Variants in C11orf52 observed in about 807,000 individuals in gnomAD.
C11orf52 encodes uncharacterized protein C11orf52.
A neutral mutation model predicts 11.7 loss-of-function variants in C11orf52; 9 were observed. The ratio of observed to expected loss-of-function variants is 0.77; its 90% confidence interval spans 0.46 to 1.34. The LOEUF (loss-of-function observed/expected upper bound fraction) is 1.34. Among genes scored for constraint, C11orf52 ranks in the 40% most tolerant of loss-of-function variants. The probability of loss-of-function intolerance (pLI) is 0.00; values close to 1 mark genes in which losing one functional copy is unlikely to be tolerated. For synonymous variants in C11orf52, 49 were observed against 57.4 expected, an observed-to-expected ratio of 0.85 and a Z score of 0.66; for missense variants, 139 against 154.8, an observed-to-expected ratio of 0.90 and a Z score of 0.54.
At chr11:111,920,069 C>A (rs2137398301) in intron 1 of C11orf52, among the ~76,000 whole-genome samples, 1 of 152,142 alleles carries the variant, frequency 6.6e-6, no homozygotes, top group Non-Finnish European at 1.5e-5. Context: ...GTGGTGGGTG[C>A]CTGTAGTCCC....
rs1965798937 is a variant in C11orf52 at position 111,926,030 on chromosome 11, G to A, written c.203G>A (p.Gly68Asp). Residue 68 changes from glycine to aspartate, a missense_variant, in exon 4 of 4, where the codon GGC becomes GAC. Coordinates refer to ENST00000278601, the MANE Select transcript of C11orf52 (RefSeq NM_080659.3). ...QQQGSQERSPGLMSEDSNLHY... is the reference protein window; with the variant it reads ...QQQGSQERSPDLMSEDSNLHY... ...CAAGGGTCTCAAGAGAGGAGTCCAG[G>A]CCTCATGTCGGAAGACAGCAACTTA... The A allele has an allele frequency of 6.2e-7, 1 of 1,614,108 alleles. No homozygotes were observed. Among genetic ancestry groups the A allele is most frequent in the African/African-American group, 1.3e-5 (1 of 74,934 alleles).
chr11:111,925,713 A>C lies in C11orf52; in HGVS notation c.131A>C (p.Lys44Thr), dbSNP rs782273595. The C allele has an allele frequency of 1.2e-6, 2 of 1,614,110 alleles. No individual in the cohort carries two copies. The highest frequency in any genetic ancestry group is 3.3e-5 in the Admixed American group (2 of 60,010). Residue 44 changes from lysine to threonine, a missense_variant and splice_region_variant, in exon 3 of 4, where the codon AAG becomes ACG. By Grantham distance (78) the Lys-to-Thr change is moderately conservative. Coordinates refer to ENST00000278601, the MANE Select transcript of C11orf52 (RefSeq NM_080659.3). ...CAACAGCTGCAGCAGAATCTCCCAA[A>C]GGTAATGACAGGTCTCTGTCCCCTC... is the stretch of plus-strand genomic sequence containing the variant. ...QPQQLQQNLP[K>T]GHETTGHTYE...
chr11:111,923,160 T>C (rs1965727487), intron 1 of C11orf52, among the ~76,000 whole-genome samples: 1 of 152,212 alleles, frequency 6.6e-6, no homozygotes, highest in African/African-American at 2.4e-5. Flanking sequence ...ATCTCGTTCT[T>C]AGGATAAGGC....
chr11:111,919,264 G>A, intron 1 of C11orf52: 2 of 488,688 alleles, frequency 4.1e-6, no homozygotes, highest in South Asian at 2.4e-5. Flanking sequence ...CACGAGGTCA[G>A]TAGATCGAGA....
Position 111,926,185 on chromosome 11 carries a change from G to C in C11orf52, c.358G>C (p.Gly120Arg), listed in dbSNP as rs782001617. The change falls in exon 4 of 4, where the codon GGG becomes CGG. Residue 120 changes from glycine (G) to arginine (R), a missense_variant. By Grantham distance (125) the Gly-to-Arg change is moderately radical (BLOSUM62 -2). Transcript: ENST00000278601. Reference sequence around the variant, plus strand: ...CACACCTCGCTATGACAGCAAGAACGGGACCCTGGTGTGAGCGCTTGGGAG... The same window carrying C: ...CACACCTCGCTATGACAGCAAGAACCGGACCCTGGTGTGAGCGCTTGGGAG... Reference protein sequence around the residue: ...QATPRYDSKNGTLV With the variant: ...QATPRYDSKNRTLV 43 of 1,614,002 alleles carry C rather than the reference G, an allele frequency of 2.7e-5. No homozygotes were observed. The highest frequency in any genetic ancestry group is 3.3e-5 in the Non-Finnish European group (39 of 1,180,026).
At chr11:111,925,524 G>A (rs1965780338) in intron 2 of C11orf52, 129 bp from the exon 3 acceptor site, 3 of 906,376 alleles carry the variant, frequency 3.3e-6, no homozygotes, top group South Asian at 1.5e-5. Context: ...AGACATGAAA[G>A]AAGTGAGAAT....
intron 1 of C11orf52, among the ~76,000 whole-genome samples, chr11:111,922,254 C>A (rs1004407909): frequency 6.6e-6 from 1 of 152,226 alleles, no homozygotes. Flanking sequence ...AGACACTATA[C>A]CAAATAGTCT....
intron 3 of C11orf52, 116 bp from the exon 4 acceptor site, chr11:111,925,844 T>C (rs937278053): frequency 8.8e-5 from 139 of 1,571,076 alleles, no homozygotes; most frequent in Non-Finnish European, 1.1e-4. Flanking sequence ...TCCTCCTCTG[T>C]CTGTCCTTTG....
intron 1 of C11orf52, among the ~76,000 whole-genome samples, chr11:111,920,718 C>T (rs1320330173): frequency 6.6e-6 from 1 of 151,946 alleles, no homozygotes; most frequent in Non-Finnish European, 1.5e-5. Flanking sequence ...GAACCATGAT[C>T]ACACCACTGC....
chr11:111,925,698 A>G lies in C11orf52; in HGVS notation c.116A>G (p.Gln39Arg), dbSNP rs1555166874. 6.2e-7 allele frequency: 1 copy of G among 1,614,242 alleles called. No homozygotes were observed. The highest frequency in any genetic ancestry group is 8.5e-7 in the Non-Finnish European group (1 of 1,180,030). Reference protein sequence around the residue: ...RTLKPQPQQLQQNLPKGHETT... With the variant: ...RTLKPQPQQLRQNLPKGHETT... ...CTGAAGCCGCAGCCACAACAGCTGCAGCAGAATCTCCCAAAGGTAATGACA... is the reference window on the plus strand; with the variant it reads ...CTGAAGCCGCAGCCACAACAGCTGCGGCAGAATCTCCCAAAGGTAATGACA... Residue 39 changes from glutamine to arginine, a missense_variant, in exon 3 of 4, where the codon CAG becomes CGG. Gln to Arg is a conservative substitution (Grantham distance 43). Transcript: ENST00000278601.
chr11:111,924,451 G>C (rs1965753507), intron 2 of C11orf52, 88 bp downstream of exon 2: 1 of 1,155,800 alleles, frequency 8.7e-7, no homozygotes, highest in African/African-American at 1.5e-5. Flanking sequence ...CAGAAGGGTA[G>C]AAAAGGAATG....
intron 1 of C11orf52, among the ~76,000 whole-genome samples, chr11:111,921,634 G>A (rs1965700533): frequency 6.6e-6 from 1 of 152,186 alleles, no homozygotes; most frequent in Non-Finnish European, 1.5e-5. Context: ...AGAAGGAGAT[G>A]TAACAGCTTC....
At position 111,925,701 on chromosome 11, in the gene C11orf52, A is replaced by T. The variant is rs1168072471; in HGVS notation, c.119A>T (p.Gln40Leu). The change falls in exon 3 of 4, where the codon CAG becomes CTG. Residue 40 changes from glutamine (Q) to leucine (L), a missense_variant. Transcript: ENST00000278601. ...AAGCCGCAGCCACAACAGCTGCAGCAGAATCTCCCAAAGGTAATGACAGGT... is the reference window on the plus strand; with the variant it reads ...AAGCCGCAGCCACAACAGCTGCAGCTGAATCTCCCAAAGGTAATGACAGGT... ...TLKPQPQQLQ[Q>L]NLPKGHETTG... is the part of the protein sequence containing the mutation. 1.9e-6 allele frequency: 3 copies of T among 1,614,128 alleles called. No individual in the cohort carries two copies. Among genetic ancestry groups the T allele is most frequent in the Non-Finnish European group, 2.5e-6 (3 of 1,180,054 alleles).
At chr11:111,919,575 T>C (rs1399117529) in intron 1 of C11orf52, among the ~76,000 whole-genome samples, 3 of 152,192 alleles carry the variant, frequency 2.0e-5, no homozygotes, top group Non-Finnish European at 4.4e-5. Flanking sequence ...GCCCTCTTCC[T>C]CCCTTTCCCC....
chr11:111,920,314 T>C (rs1555166433), intron 1 of C11orf52, among the ~76,000 whole-genome samples: 1 of 152,084 alleles, frequency 6.6e-6, no homozygotes, highest in African/African-American at 2.4e-5. Context: ...GGCAGGCAGA[T>C]GACTTGAGGC....
At chr11:111,919,666 T>G (rs1025054832) in intron 1 of C11orf52, among the ~76,000 whole-genome samples, 2 of 152,208 alleles carry the variant, frequency 1.3e-5, no homozygotes, top group Non-Finnish European at 1.5e-5. Context: ...TACAGTCTCA[T>G]TTAATTTTTC....
rs1373252300 is a variant in C11orf52 at position 111,926,266 on chromosome 11, G to A, written c.*67G>A. ...CTGTGGGGGAGAACCTACTGCTTTG[G>A]GGAATTGGGTGGCAACCCAGGGATG... On this transcript the variant is annotated 3_prime_UTR_variant, in exon 4 of 4. Coordinates refer to ENST00000278601, the MANE Select transcript of C11orf52 (RefSeq NM_080659.3). The A allele has an allele frequency of 1.3e-6, 2 of 1,587,804 alleles. No homozygotes were observed. Among genetic ancestry groups the A allele is most frequent in the Non-Finnish European group, 1.7e-6 (2 of 1,163,846 alleles).
At chr11:111,919,030 G>T (rs1965643667) in intron 1 of C11orf52, 26 bp downstream of exon 1, 3 of 1,613,926 alleles carry the variant, frequency 1.9e-6, no homozygotes, top group East Asian at 4.5e-5. Flanking sequence ...GGGCAAAGGG[G>T]AACATCTATC....
intron 1 of C11orf52, among the ~76,000 whole-genome samples, chr11:111,919,570 C>T (rs1438726801): frequency 1.3e-5 from 2 of 152,218 alleles, no homozygotes; most frequent in Non-Finnish European, 2.9e-5. Flanking sequence ...TCTGTGCCCT[C>T]TTCCTCCCTT....
Sources: allele counts gnomAD v4.1 joint callset (sites outside exome capture counted in the v4.1 genomes callset), GRCh38; gene constraint gnomAD v4.1.1; transcripts MANE v1.5; gene names NCBI Gene and HGNC (gene_info 2026-07-23, HGNC 2026-07-21).